Variants in MMP24 observed in about 807,000 individuals in gnomAD.
MMP24 encodes matrix metallopeptidase 24, also known as matrix metalloproteinase-24.
MMP24 carries 25 observed loss-of-function variants against 62.8 expected under a neutral mutation model. The observed-to-expected ratio is 0.40, with a 90% CI of 0.29 to 0.56. The LOEUF is 0.56. MMP24 is among the 20% of genes least tolerant of loss of function. MMP24 has a pLI of 0.50. For synonymous variants in MMP24, 319 were observed against 350.5 expected (o/e 0.91, Z 1.00); for missense variants, 634 against 853.6 (o/e 0.74, Z 3.21).
intron 4 of MMP24, 26 bp from the exon 5 acceptor site, chr20:35,263,765 G>C (rs770931862): frequency 3.4e-6 from 5 of 1,482,456 alleles, no homozygotes. Flanking sequence ...GGTGCCCTGG[G>C]CACCTCCCCA....
Position 35,237,809 on chromosome 20 carries a change from C to G in MMP24, c.247-9031C>G, listed in dbSNP as rs1320870544. Among the ~76,000 whole-genome samples the G allele has an allele frequency of 3.9e-5, 6 of 152,114 alleles. 1 individual carries two copies. The highest frequency in any genetic ancestry group is 3.9e-4 in the Admixed American group (6 of 15,264). On this transcript the variant is annotated intron_variant, in intron 1 of 8. Coordinates refer to ENST00000246186, the MANE Select transcript of MMP24 (RefSeq NM_006690.4). ...TTTAGATAGGACCCCATTCAGCTCC[C>G]AAGTGTATTGAGAATACAGTCTAAC...
Position 35,263,887 on chromosome 20 carries a change from A to G in MMP24, c.914A>G (p.Gln305Arg). The change falls in exon 5 of 9, where the codon CAG (glutamine) becomes CGG (arginine). Residue 305 changes from glutamine (Q) to arginine (R), a missense_variant. This residue lies in a region of MMP24 where 399 missense variants were observed against 530.8 expected (regional missense o/e 0.75). Coordinates refer to ENST00000246186, the MANE Select transcript of MMP24 (RefSeq NM_006690.4). ...DPSAIMAPFY[Q>R]YMETHNFKLP... Reference sequence around the variant, plus strand: ...AGCGCCATCATGGCGCCCTTCTACCAGTACATGGAGACGCACAACTTCAAG... The same window carrying G: ...AGCGCCATCATGGCGCCCTTCTACCGGTACATGGAGACGCACAACTTCAAG... 1 of 1,613,186 alleles carries G rather than the reference A, an allele frequency of 6.2e-7. No homozygotes were observed. The highest frequency in any genetic ancestry group is 1.7e-4 in the Middle Eastern group (1 of 6,054).
intron 4 of MMP24, among the ~76,000 whole-genome samples, chr20:35,259,309 G>A (rs1387379180): frequency 6.6e-6 from 1 of 152,230 alleles, no homozygotes; most frequent in African/African-American, 2.4e-5. Flanking sequence ...GCTGCAGGTG[G>A]TCCGAGTATT....
Position 35,269,026 on chromosome 20 carries a change from A to G in MMP24, c.1195-734A>G, listed in dbSNP as rs1435311813. 2.2e-5 allele frequency among the ~76,000 whole-genome samples: 2 copies of G among 92,406 alleles called. No individual in the cohort carries two copies. Among genetic ancestry groups the G allele is most frequent in the African/African-American group, 9.5e-5 (2 of 21,046 alleles). The allele number at this position is 92,406 out of a possible 152,430, so 60.6% of individuals were successfully genotyped here. On this transcript the variant is annotated intron_variant, in intron 6 of 8. Coordinates refer to ENST00000246186, the MANE Select transcript of MMP24 (RefSeq NM_006690.4). This position sits in a 1 kb window ranked among gnomAD's most constrained non-coding sequence, Gnocchi z 4.6. The stretch of plus-strand genomic sequence containing the variant: ...TGGGTGACAGAGCGAGACTCCATCT[A>G]AAAAAAAAAAAAAAGAAAGAAAACT...
intron 1 of MMP24, among the ~76,000 whole-genome samples, chr20:35,238,206 G>A (rs1330480715): frequency 6.6e-6 from 1 of 152,130 alleles, no homozygotes; most frequent in African/African-American, 2.4e-5. Context: ...TTTCTAAATG[G>A]GTAACATAGT....
intron 1 of MMP24, among the ~76,000 whole-genome samples, chr20:35,240,422 C>CT (rs747672588): frequency 6.8e-4 from 104 of 152,120 alleles, no homozygotes; most frequent in Non-Finnish European, 1.4e-3. Flanking sequence ...TCTTTCTGCA[C>CT]TTAAAGGGTG....
chr20:35,274,357 C>G lies in MMP24; in HGVS notation c.1686C>G (p.Ile562Met), dbSNP rs758526849. Residue 562 changes from isoleucine to methionine, a missense_variant, in exon 9 of 9, where the codon ATC becomes ATG. By Grantham distance (10) the Ile-to-Met change is conservative. Around this residue, in one of 3 missense-constraint regions of MMP24, gnomAD observed 399 missense variants for 530.8 expected, o/e 0.75. Coordinates refer to ENST00000246186, the MANE Select transcript of MMP24 (RefSeq NM_006690.4). This position sits in a 1 kb window ranked among gnomAD's most constrained non-coding sequence, Gnocchi z 5.1. ...LSVEPGYPRN[I>M]LRDWMGCNQK... is the part of the protein sequence containing the mutation. ...TGGAGCCAGGCTACCCGCGCAACATCCTGCGTGACTGGATGGGCTGCAACC... is the reference window on the plus strand; with the variant it reads ...TGGAGCCAGGCTACCCGCGCAACATGCTGCGTGACTGGATGGGCTGCAACC... 11 of 1,613,980 alleles carry G rather than the reference C, an allele frequency of 6.8e-6. No homozygotes were observed. In the South Asian group the frequency reaches 9.9e-5, roughly 14 times the overall value.
chr20:35,262,966 G>A (rs902468767), intron 4 of MMP24: 14 of 152,132 alleles, frequency 9.2e-5, no homozygotes, highest in African/African-American at 3.4e-4. Flanking sequence ...TGGGGGTAAG[G>A]TTATAGATTA....
At chr20:35,270,407 C>T (rs201030919) in intron 7 of MMP24, among the ~76,000 whole-genome samples, 13 of 152,352 alleles carry the variant, frequency 8.5e-5, no homozygotes, top group East Asian at 7.7e-4. Flanking sequence ...TGTGTACGGA[C>T]GGCCACAGGG....
intron 4 of MMP24, among the ~76,000 whole-genome samples, chr20:35,260,309 G>A (rs1600795903): frequency 6.6e-6 from 1 of 152,192 alleles, no homozygotes; most frequent in Non-Finnish European, 1.5e-5. Context: ...CAAACCACAG[G>A]CCTCTTTCCT....
rs983222868 is a variant in MMP24, at chr20:35,269,403, G to C, written c.1195-357G>C. On this transcript the variant is annotated intron_variant, in intron 6 of 8. Coordinates refer to ENST00000246186, the MANE Select transcript of MMP24 (RefSeq NM_006690.4). This position sits in a 1 kb window ranked among gnomAD's most constrained non-coding sequence, Gnocchi z 4.6. ...CGGCCCAGGCTCAGTGACCACCCCA[G>C]CCTCCCACTGTCCCGAGGACCAGTC... Among the ~76,000 whole-genome samples, 1 of 152,164 alleles carries C rather than the reference G, an allele frequency of 6.6e-6. No individual in the cohort carries two copies. The highest frequency in any genetic ancestry group is 2.4e-5 in the African/African-American group (1 of 41,446).
chr20:35,231,886 T>C (rs184350626), intron 1 of MMP24, among the ~76,000 whole-genome samples: 4 of 152,270 alleles, frequency 2.6e-5, no homozygotes, highest in African/African-American at 9.6e-5. Context: ...ACCCCATCTC[T>C]ACTAAAAATA....
Position 35,269,007 on chromosome 20 carries a change from AC to A in MMP24, c.1195-752del, listed in dbSNP as rs2060652668. On this transcript the variant is annotated intron_variant, in intron 6 of 8. Coordinates refer to ENST00000246186, the MANE Select transcript of MMP24 (RefSeq NM_006690.4). This position sits in a 1 kb window ranked among gnomAD's most constrained non-coding sequence, Gnocchi z 4.6. The stretch of plus-strand genomic sequence containing the variant: ...GCGCCACTGCACTCCAGCCTGGGTG[AC>A]AGAGCGAGACTCCATCTAAAAAAAA... Among the ~76,000 whole-genome samples the A allele has an allele frequency of 1.3e-5, 2 of 150,634 alleles. No individual in the cohort carries two copies. The highest frequency in any genetic ancestry group is 4.2e-4 in the South Asian group (2 of 4,736).
chr20:35,253,127 G>A (rs114919877), intron 3 of MMP24, among the ~76,000 whole-genome samples: 6,575 of 142,770 alleles, frequency 0.046, 587 homozygotes, highest in African/African-American at 0.16. Context: ...GGGCAGGCTC[G>A]GGTGGGTGCT....
chr20:35,241,833 C>T (rs2060489675), intron 1 of MMP24, among the ~76,000 whole-genome samples: 2 of 152,226 alleles, frequency 1.3e-5, no homozygotes, highest in South Asian at 2.1e-4. Flanking sequence ...ATGCTAGCTT[C>T]GAGGTGGATG....
intron 1 of MMP24, among the ~76,000 whole-genome samples, chr20:35,230,524 C>T (rs1241282626): frequency 6.6e-6 from 1 of 152,226 alleles, no homozygotes; most frequent in Non-Finnish European, 1.5e-5. Flanking sequence ...AAGCCCCCTT[C>T]TAAAACCCTT....
intron 1 of MMP24, chr20:35,236,166 G>A (rs555377653): frequency 1.3e-5 from 2 of 152,164 alleles, no homozygotes; most frequent in African/African-American, 4.8e-5. Flanking sequence ...CATTGTGGGC[G>A]ATCCTGAGGG....
At chr20:35,262,489 C>T (rs1411063897) in intron 4 of MMP24, among the ~76,000 whole-genome samples, 1 of 151,342 alleles carries the variant, frequency 6.6e-6, no homozygotes, top group East Asian at 1.9e-4. Context: ...TATTGCTGCC[C>T]GCAGGTCCCA....
chr20:35,266,434 T>TC (rs2060636109), intron 5 of MMP24, among the ~76,000 whole-genome samples: 1 of 149,264 alleles, frequency 6.7e-6, no homozygotes, highest in Admixed American at 6.7e-5. Flanking sequence ...CCAAAGGTGA[T>TC]CCTAATATGC....
Sources: allele counts gnomAD v4.1 joint callset (sites outside exome capture counted in the v4.1 genomes callset), GRCh38; gene constraint gnomAD v4.1.1; regional missense constraint gnomAD v4.1.1; non-coding constraint Gnocchi (gnomAD v3.1); transcripts MANE v1.5; gene names NCBI Gene and HGNC (gene_info 2026-07-23, HGNC 2026-07-21).